Variants in PAPPA2 observed in about 807,000 individuals in gnomAD.
The protein encoded by PAPPA2 is pappalysin 2, also known as pappalysin-2.
In PAPPA2, 86 loss-of-function variants were observed where a neutral mutation model predicts 176.4. The ratio of observed to expected loss-of-function variants is 0.49; its 90% CI spans 0.41 to 0.58. The LOEUF is 0.58. Ranked by LOEUF, PAPPA2 falls within the 20% of genes least tolerant of loss-of-function variation. PAPPA2 has a pLI of 0.00. For synonymous variants in PAPPA2, 809 were observed against 852.2 expected (o/e 0.95, Z 0.88); for missense variants, 2,073 against 2,256.9 (o/e 0.92, Z 1.65).
chr1:176,810,246 T>C (rs1371779448), intron 21 of PAPPA2, among the ~76,000 whole-genome samples: 2 of 152,066 alleles, frequency 1.3e-5, no homozygotes, highest in African/African-American at 2.4e-5. Flanking sequence ...GGCAGGCAGT[T>C]TTGCATTCAT....
intron 4 of PAPPA2, among the ~76,000 whole-genome samples, 171 bp downstream of exon 4, chr1:176,671,286 A>G (rs1217370482): frequency 1.3e-5 from 2 of 152,234 alleles, no homozygotes; most frequent in South Asian, 2.1e-4. Flanking sequence ...AAATGTTTCA[A>G]TATAGACAAG....
chr1:176,553,090 G>A (rs999572331), intron 1 of PAPPA2, among the ~76,000 whole-genome samples: 42 of 152,092 alleles, frequency 2.8e-4, no homozygotes, highest in Non-Finnish European at 8.8e-5. Flanking sequence ...ACTTTTGCTC[G>A]GGGGTGTGTA....
At chr1:176,724,037 T>C (rs1401577531) in intron 12 of PAPPA2, among the ~76,000 whole-genome samples, 3 of 152,194 alleles carry the variant, frequency 2.0e-5, no homozygotes, top group Non-Finnish European at 4.4e-5. Flanking sequence ...CTCACATTTA[T>C]GCCTCTTGAT....
intron 1 of PAPPA2, among the ~76,000 whole-genome samples, chr1:176,491,563 G>A (rs1647294082): frequency 1.3e-5 from 2 of 152,150 alleles, no homozygotes; most frequent in Non-Finnish European, 2.9e-5. Flanking sequence ...AAAATTGTAG[G>A]TAGAACCAGA....
chr1:176,677,225 A>T (rs1659347837), intron 4 of PAPPA2, among the ~76,000 whole-genome samples: 1 of 152,160 alleles, frequency 6.6e-6, no homozygotes, highest in Admixed American at 6.5e-5. Flanking sequence ...TTCTAAATAG[A>T]GCCTTTTTGA....
intron 19 of PAPPA2, 31 bp from the exon 20 acceptor site, chr1:176,793,529 A>G: frequency 6.5e-7 from 1 of 1,548,166 alleles, no homozygotes; most frequent in Non-Finnish European, 8.9e-7. Context: ...TGGGAAGTTC[A>G]AGTCTCTGCT....
intron 21 of PAPPA2, among the ~76,000 whole-genome samples, chr1:176,802,416 G>A (rs1315631509): frequency 6.6e-6 from 1 of 152,156 alleles, no homozygotes; most frequent in African/African-American, 2.4e-5. Flanking sequence ...GCATGCTCTA[G>A]GGGCAAATTG....
intron 1 of PAPPA2, among the ~76,000 whole-genome samples, chr1:176,505,671 A>G (rs1572979045): frequency 6.6e-6 from 1 of 152,042 alleles, no homozygotes; most frequent in Non-Finnish European, 1.5e-5. Context: ...AGCAACAACA[A>G]CAACAAAAAG....
intron 12 of PAPPA2, among the ~76,000 whole-genome samples, chr1:176,727,228 A>G (rs1661922572): frequency 6.6e-6 from 1 of 152,166 alleles, no homozygotes; most frequent in African/African-American, 2.4e-5. Flanking sequence ...CACCTATATC[A>G]TTAATTACAT....
intron 1 of PAPPA2, among the ~76,000 whole-genome samples, chr1:176,505,595 C>G (rs146256473): frequency 4.7e-4 from 71 of 151,880 alleles, no homozygotes; most frequent in African/African-American, 1.6e-3. Flanking sequence ...GGAGTTCACA[C>G]AATTAGAAAA....
At chr1:176,581,116 A>G (rs1181966122) in intron 2 of PAPPA2, among the ~76,000 whole-genome samples, 1 of 151,960 alleles carries the variant, frequency 6.6e-6, no homozygotes, top group Non-Finnish European at 1.5e-5. Flanking sequence ...TAGGTCTTTA[A>G]CCCATTTTGA....
intron 14 of PAPPA2, among the ~76,000 whole-genome samples, chr1:176,742,392 A>G (rs927768430): frequency 6.6e-6 from 1 of 152,176 alleles, no homozygotes; most frequent in Non-Finnish European, 1.5e-5. Context: ...TCAACAAAGA[A>G]GTTGATTAAT....
intron 1 of PAPPA2, among the ~76,000 whole-genome samples, chr1:176,508,197 C>A (rs575510832): frequency 6.6e-6 from 1 of 152,242 alleles, no homozygotes; most frequent in East Asian, 1.9e-4. Context: ...CGAAATCCAT[C>A]ATTCAAAACA....
chr1:176,613,997 C>T (rs1358985271), intron 3 of PAPPA2, among the ~76,000 whole-genome samples: 1 of 152,116 alleles, frequency 6.6e-6, no homozygotes, highest in East Asian at 1.9e-4. Flanking sequence ...TATGCCCATG[C>T]TTCATTGCAA....
At chr1:176,661,909 T>G (rs374715675) in intron 3 of PAPPA2, among the ~76,000 whole-genome samples, 1 of 151,870 alleles carries the variant, frequency 6.6e-6, no homozygotes. Flanking sequence ...TCTAAGCATA[T>G]TTTTCACTCC....
intron 9 of PAPPA2, among the ~76,000 whole-genome samples, chr1:176,704,646 G>A (rs567315052): frequency 5.1e-4 from 77 of 152,140 alleles, no homozygotes; most frequent in African/African-American, 1.7e-3. Context: ...TTTGGTTATT[G>A]GAAAATCTTC....
intron 2 of PAPPA2, among the ~76,000 whole-genome samples, chr1:176,565,423 A>T (rs1046515324): frequency 4.6e-5 from 7 of 152,210 alleles, no homozygotes; most frequent in African/African-American, 1.7e-4. Context: ...GGCTGGGCAC[A>T]GTGGCTCACG....
intron 1 of PAPPA2, among the ~76,000 whole-genome samples, chr1:176,467,952 C>T (rs768774000): frequency 6.6e-6 from 1 of 152,116 alleles, no homozygotes; most frequent in Non-Finnish European, 1.5e-5. Flanking sequence ...CATTTGTGTG[C>T]AGAAACCTAA....
chr1:176,598,373 A>G (rs886401773), intron 3 of PAPPA2, among the ~76,000 whole-genome samples: 1 of 152,082 alleles, frequency 6.6e-6, no homozygotes, highest in African/African-American at 2.4e-5. Context: ...TACAGACAAG[A>G]CTAACTCTCT....
Sources: allele counts gnomAD v4.1 joint callset (sites outside exome capture counted in the v4.1 genomes callset), GRCh38; gene constraint gnomAD v4.1.1; transcripts MANE v1.5; gene names NCBI Gene and HGNC (gene_info 2026-07-23, HGNC 2026-07-21).